SPAG16: variants seen among roughly 807,000 people sequenced by gnomAD.
SPAG16 encodes sperm-associated antigen 16 protein.
In SPAG16, 86 loss-of-function variants were observed where a neutral mutation model predicts 80.4. The observed-to-expected ratio is 1.07, with a 90% confidence interval of 0.90 to 1.28. The LOEUF is 1.28. Ranked by LOEUF, SPAG16 falls within the 50% of genes most tolerant of loss-of-function variation. The probability of loss-of-function intolerance (pLI) is 0.00; values close to 1 mark genes in which losing one functional copy is unlikely to be tolerated. For synonymous variants in SPAG16, 294 were observed against 265.9 expected, an observed-to-expected ratio of 1.11 and a Z score of -1.03; for missense variants, 870 against 765.3, an observed-to-expected ratio of 1.14 and a Z score of -1.61.
intron 10 of SPAG16, among the ~76,000 whole-genome samples, chr2:213,631,784 A>G (rs553981878): frequency 6.6e-6 from 1 of 152,252 alleles, no homozygotes; most frequent in Admixed American, 6.5e-5. Context: ...GTCAAAATCG[A>G]CTTCACTATA....
In SPAG16 at chr2:213,310,651, A is replaced by T. The variant is rs149734971; in HGVS notation, c.398+474A>T. On this transcript the variant is annotated intron_variant, in intron 4 of 15. Transcript: ENST00000331683. ...CACATAGCTGATTAATTATATTTCT[A>T]TGAATATTCTTCAGTTAGAAGTAAG... Among the ~76,000 whole-genome samples, 142 of 151,824 alleles carry T rather than the reference A, an allele frequency of 9.4e-4. 1 individual carries two copies. The highest frequency in any genetic ancestry group is 3.2e-3 in the African/African-American group (132 of 41,494).
At chr2:214,011,653 C>T (rs941623464) in intron 12 of SPAG16, among the ~76,000 whole-genome samples, 3 of 152,164 alleles carry the variant, frequency 2.0e-5, no homozygotes, top group African/African-American at 7.2e-5. Flanking sequence ...GTATACACAT[C>T]ATCAACTTTA....
At chr2:214,118,584 A>AG (rs2054058309) in intron 14 of SPAG16, among the ~76,000 whole-genome samples, 1 of 152,142 alleles carries the variant, frequency 6.6e-6, no homozygotes, top group Non-Finnish European at 1.5e-5. Flanking sequence ...GCTGAGCAAA[A>AG]GGGGGAAAAG....
chr2:213,552,499 TCTCAA>T (rs2076808795), intron 10 of SPAG16, among the ~76,000 whole-genome samples: 1 of 152,248 alleles, frequency 6.6e-6, no homozygotes, highest in African/African-American at 2.4e-5. Flanking sequence ...TTCTTCATTT[TCTCAA>T]CTCAACTGTT....
At chr2:213,978,144 T>A (rs2045516223) in intron 12 of SPAG16, among the ~76,000 whole-genome samples, 1 of 152,040 alleles carries the variant, frequency 6.6e-6, no homozygotes. Context: ...CTATCCTTGT[T>A]TCCCGTCTTG....
intron 12 of SPAG16, among the ~76,000 whole-genome samples, chr2:214,000,128 G>A (rs2046723248): frequency 1.3e-5 from 2 of 152,102 alleles, no homozygotes; most frequent in African/African-American, 4.8e-5. Context: ...GGGGCCAGGG[G>A]TAGAATGATA....
chr2:213,781,395 A>T (rs1005829825), intron 10 of SPAG16, among the ~76,000 whole-genome samples: 1 of 152,184 alleles, frequency 6.6e-6, no homozygotes, highest in Non-Finnish European at 1.5e-5. Flanking sequence ...TAAAAAGAAA[A>T]GCAAAAAGTT....
chr2:214,016,181 AG>A (rs1005865265), intron 13 of SPAG16, among the ~76,000 whole-genome samples: 1 of 152,156 alleles, frequency 6.6e-6, no homozygotes, highest in African/African-American at 2.4e-5. Flanking sequence ...CTGCTGATAA[AG>A]ACATACCCAA....
chr2:214,001,660 T>G (rs2046793057), intron 12 of SPAG16, among the ~76,000 whole-genome samples: 1 of 152,180 alleles, frequency 6.6e-6, no homozygotes, highest in African/African-American at 2.4e-5. Context: ...TTAAACTAGT[T>G]TAGACTGTGG....
At chr2:213,833,450 TATATTA>T (rs1185030665) in intron 10 of SPAG16, among the ~76,000 whole-genome samples, 2 of 858 alleles carry the variant, frequency 2.3e-3, no homozygotes, top group East Asian at 0.5. Context: ...TGTATATATA[TATATTA>T]TATATATATT....
intron 7 of SPAG16, among the ~76,000 whole-genome samples, chr2:213,357,800 T>C (rs551641273): frequency 6.6e-6 from 1 of 152,366 alleles, no homozygotes; most frequent in Admixed American, 6.5e-5. Flanking sequence ...CCTGTCATTA[T>C]GATGTTCGCT....
chr2:214,335,521 A>G (rs1697220105), intron 15 of SPAG16, among the ~76,000 whole-genome samples: 2 of 151,828 alleles, frequency 1.3e-5, no homozygotes, highest in Admixed American at 1.3e-4. Context: ...ACATTTAAGT[A>G]AAAACTGTAC....
At chr2:213,501,644 A>G (rs1187231545) in intron 10 of SPAG16, among the ~76,000 whole-genome samples, 1 of 152,142 alleles carries the variant, frequency 6.6e-6, no homozygotes, top group Non-Finnish European at 1.5e-5. Context: ...TAATTTTGAG[A>G]CTTTTTCTCC....
At chr2:213,413,774 A>T (rs996055214) in intron 9 of SPAG16, among the ~76,000 whole-genome samples, 4 of 152,202 alleles carry the variant, frequency 2.6e-5, no homozygotes, top group Admixed American at 1.3e-4. Flanking sequence ...CCTTGGAATT[A>T]TGGATCTGAC....
chr2:213,690,484 G>A (rs987781801), intron 10 of SPAG16, among the ~76,000 whole-genome samples: 2 of 152,154 alleles, frequency 1.3e-5, no homozygotes. Context: ...TTAATATTAG[G>A]TGTCAACTTG....
chr2:213,761,911 A>G (rs1456992701), intron 10 of SPAG16, among the ~76,000 whole-genome samples: 7 of 151,868 alleles, frequency 4.6e-5, no homozygotes, highest in African/African-American at 1.5e-4. Flanking sequence ...AAAAAACCCT[A>G]CAGACCAATA....
intron 13 of SPAG16, among the ~76,000 whole-genome samples, chr2:214,041,273 G>A (rs2048992007): frequency 6.6e-6 from 1 of 151,762 alleles, no homozygotes; most frequent in African/African-American, 2.4e-5. Context: ...TTAGTTTGGA[G>A]TATTGTGTTA....
At chr2:213,834,172 A>G (rs1221221341) in intron 10 of SPAG16, among the ~76,000 whole-genome samples, 1 of 152,150 alleles carries the variant, frequency 6.6e-6, no homozygotes, top group East Asian at 1.9e-4. Context: ...AGGCCTCCCC[A>G]GCCATGTGCA....
intron 9 of SPAG16, among the ~76,000 whole-genome samples, chr2:213,434,707 C>G (rs189684661): frequency 2.0e-5 from 3 of 152,148 alleles, no homozygotes; most frequent in Non-Finnish European, 4.4e-5. Flanking sequence ...AAAAGATGCT[C>G]AACATTACTA....
Sources: gnomAD v4.1 joint callset for allele counts (sites outside exome capture counted in the v4.1 genomes callset) on GRCh38, gnomAD v4.1.1 for gene constraint, MANE v1.5 for transcripts, NCBI Gene and HGNC (gene_info 2026-07-23, HGNC 2026-07-21) for gene names.